Variants in ANK3 observed in about 807,000 individuals in gnomAD.
ANK3 encodes ankyrin-3.
In ANK3, 57 loss-of-function variants were observed where a neutral mutation model predicts 370.9. The ratio of observed to expected loss-of-function variants is 0.15; its 90% CI spans 0.12 to 0.19. The LOEUF (loss-of-function observed/expected upper bound fraction) is 0.19. Among genes scored for constraint, ANK3 ranks in the 10% least tolerant of loss-of-function variants. The probability of loss-of-function intolerance (pLI) is 1.00; values close to 1 mark genes in which losing one functional copy is unlikely to be tolerated. For synonymous variants in ANK3, 1,929 were observed against 1,946.3 expected, an observed-to-expected ratio of 0.99 and a Z score of 0.23; for missense variants, 4,439 against 5,302.1, an observed-to-expected ratio of 0.84 and a Z score of 5.06.
intron 1 of ANK3, among the ~76,000 whole-genome samples, chr10:60,360,536 C>T (rs2058439394): frequency 6.6e-6 from 1 of 152,112 alleles, no homozygotes; most frequent in Admixed American, 6.6e-5. Context: ...TAGTAAGACC[C>T]TGTCTCTACA....
intron 16 of ANK3, among the ~76,000 whole-genome samples, chr10:60,188,336 C>T (rs1425524650): frequency 2.0e-5 from 3 of 152,130 alleles, no homozygotes; most frequent in African/African-American, 7.2e-5. Flanking sequence ...TGCCCTGGTT[C>T]ACAGTCACTT....
chr10:60,348,100 T>A (rs900876630), intron 1 of ANK3, among the ~76,000 whole-genome samples: 1 of 152,044 alleles, frequency 6.6e-6, no homozygotes, highest in Non-Finnish European at 1.5e-5. Context: ...TAGGGCCTTA[T>A]ATTCTCTCCA....
At chr10:60,571,448 C>T (rs1389691808) in intron 2 of ANK3, among the ~76,000 whole-genome samples, 1 of 152,176 alleles carries the variant, frequency 6.6e-6, no homozygotes, top group Non-Finnish European at 1.5e-5. Flanking sequence ...AGCCACCATT[C>T]TGTATGTGTC....
At chr10:60,547,927 A>G (rs2077005306) in intron 2 of ANK3, among the ~76,000 whole-genome samples, 1 of 152,190 alleles carries the variant, frequency 6.6e-6, no homozygotes, top group African/African-American at 2.4e-5. Context: ...TTTCTAAGAA[A>G]AAAAACTACA....
chr10:60,176,453 TGA>T (rs2095958033), intron 18 of ANK3, among the ~76,000 whole-genome samples: 2 of 151,958 alleles, frequency 1.3e-5, no homozygotes, highest in African/African-American at 4.8e-5. Context: ...ATTCCGCTTC[TGA>T]TACCCCTTAT....
rs936067990 is a variant in ANK3 at position 60,196,310 on chromosome 10, G to T, written c.1789-67C>A. On this transcript the variant is annotated intron_variant, in intron 15 of 43. Coordinates refer to ENST00000280772, the MANE Select transcript of ANK3 (RefSeq NM_020987.5). The stretch of plus-strand genomic sequence containing the variant: ...CTTAAAACCAGAGGCTTAGATTGAG[G>T]AAATGAAATTAGATTGGATACGACA... The T allele has an allele frequency of 2.9e-6, 4 of 1,403,346 alleles. No homozygotes were observed. In the Admixed American group the frequency reaches 5.6e-5, roughly 20 times the overall value. The allele number at this position is 1,403,346 out of a possible 1,614,324, so 86.9% of individuals were successfully genotyped here. A position where few individuals can be genotyped will look rare whatever the true frequency, so the allele number is the denominator to read the frequency against.
intron 4 of ANK3, among the ~76,000 whole-genome samples, chr10:60,272,453 T>TTG (rs1566148250): frequency 1.8e-4 from 26 of 144,128 alleles, no homozygotes; most frequent in Non-Finnish European, 3.3e-4. Flanking sequence ...TTAGAAGTTT[T>TTG]TTGTTGTTGT....
At chr10:60,692,636 G>C (rs1225482483) in intron 1 of ANK3, among the ~76,000 whole-genome samples, 2 of 152,060 alleles carry the variant, frequency 1.3e-5, no homozygotes, top group African/African-American at 4.8e-5. Flanking sequence ...CAACCACTGG[G>C]ACTCCAAATA....
intron 8 of ANK3, among the ~76,000 whole-genome samples, chr10:60,224,276 T>C (rs2097104842): frequency 6.6e-6 from 1 of 152,136 alleles, no homozygotes; most frequent in African/African-American, 2.4e-5. Flanking sequence ...ACTCACATAA[T>C]GAACAAGTTT....
intron 2 of ANK3, among the ~76,000 whole-genome samples, chr10:60,433,630 C>A (rs1164629570): frequency 7.9e-5 from 12 of 151,982 alleles, no homozygotes; most frequent in Non-Finnish European, 1.6e-4. Flanking sequence ...AAAGAAAAAA[C>A]AAATGTTTAA....
At chr10:60,037,826 G>T (rs1040983950) in intron 43 of ANK3, among the ~76,000 whole-genome samples, 1 of 152,158 alleles carries the variant, frequency 6.6e-6, no homozygotes, top group Non-Finnish European at 1.5e-5. Context: ...GGGATTGCTG[G>T]GTTGAACGGT....
chr10:60,498,169 C>T (rs2075708061), intron 2 of ANK3, among the ~76,000 whole-genome samples: 1 of 152,120 alleles, frequency 6.6e-6, no homozygotes, highest in South Asian at 2.1e-4. Flanking sequence ...TATATTCAAC[C>T]TTCTGTGATT....
chr10:60,638,388 A>G (rs1223503555), intron 1 of ANK3, among the ~76,000 whole-genome samples: 1 of 152,202 alleles, frequency 6.6e-6, no homozygotes, highest in Non-Finnish European at 1.5e-5. Context: ...AGCAGCTCCA[A>G]AAGATTAAAC....
chr10:60,474,979 A>G, intron 2 of ANK3, among the ~76,000 whole-genome samples: 1 of 152,246 alleles, frequency 6.6e-6, no homozygotes. Flanking sequence ...TTTATCATCT[A>G]TATAATATAA....
chr10:60,325,548 C>T (rs2132911732), intron 1 of ANK3, among the ~76,000 whole-genome samples: 1 of 152,324 alleles, frequency 6.6e-6, no homozygotes, highest in South Asian at 2.1e-4. Context: ...CTCCCCATTC[C>T]TGACACCTAA....
At chr10:60,343,736 A>G (rs2054784055) in intron 1 of ANK3, among the ~76,000 whole-genome samples, 1 of 152,154 alleles carries the variant, frequency 6.6e-6, no homozygotes, top group Non-Finnish European at 1.5e-5. Flanking sequence ...TGACAGCGAG[A>G]ATACAGTTGT....
chr10:60,567,309 C>G (rs2077486880), intron 2 of ANK3, among the ~76,000 whole-genome samples: 1 of 152,136 alleles, frequency 6.6e-6, no homozygotes, highest in Admixed American at 6.5e-5. Flanking sequence ...TGCTCACTTA[C>G]CACTCTAAAA....
At chr10:60,548,839 T>C (rs762652499) in intron 2 of ANK3, among the ~76,000 whole-genome samples, 1 of 152,128 alleles carries the variant, frequency 6.6e-6, no homozygotes, top group Non-Finnish European at 1.5e-5. Context: ...CAAGACATCA[T>C]GCTATCCCAC....
intron 2 of ANK3, among the ~76,000 whole-genome samples, chr10:60,453,691 A>T (rs1360419815): frequency 6.6e-6 from 1 of 152,044 alleles, no homozygotes; most frequent in Non-Finnish European, 1.5e-5. Context: ...CACTGGACCA[A>T]ACTGATAGGA....
Sources: allele counts gnomAD v4.1 joint callset (sites outside exome capture counted in the v4.1 genomes callset), GRCh38; gene constraint gnomAD v4.1.1; transcripts MANE v1.5; gene names NCBI Gene and HGNC (gene_info 2026-07-23, HGNC 2026-07-21).